The following ABLIM2 variants were observed in gnomAD, a reference collection of about 807,000 sequenced individuals.
ABLIM2 encodes the protein actin binding LIM protein family member 2.
In ABLIM2, 53 loss-of-function variants were observed where a neutral mutation model predicts 97.7. The observed-to-expected ratio is 0.54, with a 90% CI of 0.44 to 0.68. ABLIM2 has a LOEUF of 0.68. Among genes scored for constraint, ABLIM2 ranks in the 30% least tolerant of loss-of-function variants. The pLI is 0.00. For synonymous variants in ABLIM2, 361 were observed against 345.8 expected, an observed-to-expected ratio of 1.04 and a Z score of -0.49; for missense variants, 835 against 867.2, an observed-to-expected ratio of 0.96 and a Z score of 0.47.
In ABLIM2 at chr4:7,993,012, G is replaced by A. The variant is rs548037920; in HGVS notation, c.1619-85C>T. The A allele has an allele frequency of 3.8e-5, 56 of 1,460,776 alleles. No homozygotes were observed. In the South Asian group the frequency reaches 6.1e-4, roughly 16 times the overall value. The allele number at this position is 1,460,776 out of a possible 1,614,324, so 90.5% of individuals were successfully genotyped here. A position where few individuals can be genotyped will look rare whatever the true frequency, so the allele number is the denominator to read the frequency against. ...CAGCCCTGGGGGGGCTTCCCACCGG[G>A]GTGGGCAAGGCTGGGCAAGCAACAC... On this transcript the variant is annotated intron_variant, in intron 16 of 20. Transcript: ENST00000447017.
rs533491193 is a variant in ABLIM2 at position 8,021,359 on chromosome 4, C to T, written c.1268-1056G>A. Among the ~76,000 whole-genome samples the T allele has an allele frequency of 1.3e-5, 2 of 152,254 alleles. No homozygotes were observed. Among genetic ancestry groups the T allele is most frequent in the Admixed American group, 6.5e-5 (1 of 15,296 alleles). ...TGGGGAATGAGGTGACAGACAGATG[C>T]AGGGTATTGAATGCTTGTGATGAGA... On this transcript the variant is annotated intron_variant, in intron 12 of 20. Coordinates refer to ENST00000447017, the MANE Select transcript of ABLIM2 (RefSeq NM_001130083.2). The surrounding 1 kb of genome is among the most constrained non-coding windows in gnomAD (Gnocchi z 5.5).
chr4:8,099,997 C>G (rs1833694751), intron 2 of ABLIM2, among the ~76,000 whole-genome samples: 1 of 152,202 alleles, frequency 6.6e-6, no homozygotes, highest in African/African-American at 2.4e-5. Flanking sequence ...AGCACAGACA[C>G]TGGCAGGAGG....
At position 8,002,202 on chromosome 4, in the gene ABLIM2, C is replaced by T. The variant is rs886294055; in HGVS notation, c.1618+5857G>A. ...CCTGGACCTCTCCTCTGAGCTCCGT[C>T]TGCCCCCTGGCAACCCCCCGGACGT... On this transcript the variant is annotated intron_variant, in intron 16 of 20. Transcript: ENST00000447017. The surrounding 1 kb of genome is among the most constrained non-coding windows in gnomAD (Gnocchi z 6.1). Among the ~76,000 whole-genome samples, 2 of 152,202 alleles carry T rather than the reference C, an allele frequency of 1.3e-5. No individual in the cohort carries two copies. The highest frequency in any genetic ancestry group is 6.5e-5 in the Admixed American group (1 of 15,284).
chr4:7,990,827 C>T (rs1215592379), intron 17 of ABLIM2, among the ~76,000 whole-genome samples: 1 of 152,046 alleles, frequency 6.6e-6, no homozygotes, highest in African/African-American at 2.4e-5. Context: ...AAAGGCATAA[C>T]AGTACATAAA....
rs181089248 is a variant in ABLIM2 at position 8,046,545 on chromosome 4, C to A, written c.823-1304G>T. On this transcript the variant is annotated intron_variant, in intron 8 of 20. Coordinates refer to ENST00000447017, the MANE Select transcript of ABLIM2 (RefSeq NM_001130083.2). The surrounding 1 kb of genome is among the most constrained non-coding windows in gnomAD (Gnocchi z 4.4). ...TCTGCTGCTTCGATGGTTTCCCACC[C>A]CGACCACAGCCCCCACTGCAGCTCC... is the stretch of plus-strand genomic sequence containing the variant. Among the ~76,000 whole-genome samples, 26 of 152,262 alleles carry A rather than the reference C, an allele frequency of 1.7e-4. No individual in the cohort carries two copies. The highest frequency in any genetic ancestry group is 6.0e-4 in the African/African-American group (25 of 41,542).
At chr4:8,050,502 C>A (rs376876110) in intron 8 of ABLIM2, among the ~76,000 whole-genome samples, 45 of 152,290 alleles carry the variant, frequency 3.0e-4, no homozygotes, top group African/African-American at 9.6e-4. Context: ...CCCCCAGGAG[C>A]TGGCACAGAG....
At chr4:8,020,058 T>C (rs895610382) in intron 13 of ABLIM2, 144 bp downstream of exon 13, 1 of 708,450 alleles carries the variant, frequency 1.4e-6, no homozygotes, top group African/African-American at 1.8e-5. Context: ...TTTAAAGAAA[T>C]CTCAGTGCCT....
chr4:8,041,977 C>A (rs1788957688), intron 9 of ABLIM2, among the ~76,000 whole-genome samples: 1 of 151,850 alleles, frequency 6.6e-6, no homozygotes. Context: ...ACAACAACAG[C>A]AGCAACAACA....
intron 14 of ABLIM2, among the ~76,000 whole-genome samples, chr4:8,017,445 C>T (rs1770231516): frequency 6.6e-6 from 1 of 151,980 alleles, no homozygotes; most frequent in Non-Finnish European, 1.5e-5. Context: ...CATTGCCACA[C>T]CTGGCTATTT....
rs1353081416 is a variant in ABLIM2 at position 8,033,873 on chromosome 4, G to T, written c.1047+2276C>A. Among the ~76,000 whole-genome samples the T allele has an allele frequency of 6.6e-6, 1 of 152,188 alleles. No homozygotes were observed. The highest frequency in any genetic ancestry group is 1.5e-5 in the Non-Finnish European group (1 of 68,032). ...CCATGAGACCCTGGAGCAGGACAGG[G>T]AGAGATACCAGCCCACCCCAACACA... is the stretch of plus-strand genomic sequence containing the variant. On this transcript the variant is annotated intron_variant, in intron 10 of 20. Transcript: ENST00000447017. This position sits in a 1 kb window ranked among gnomAD's most constrained non-coding sequence, Gnocchi z 4.5.
At chr4:8,014,983 C>T (rs1239543587) in intron 14 of ABLIM2, among the ~76,000 whole-genome samples, 1 of 150,840 alleles carries the variant, frequency 6.6e-6, no homozygotes, top group Non-Finnish European at 1.5e-5. Flanking sequence ...TGCAATGGCA[C>T]TAACTCGGCT....
intron 7 of ABLIM2, among the ~76,000 whole-genome samples, chr4:8,057,909 G>A (rs965000631): frequency 3.9e-5 from 6 of 152,190 alleles, no homozygotes; most frequent in Non-Finnish European, 7.4e-5. Flanking sequence ...GGCAGGGTGG[G>A]TGCCCCAAGG....
chr4:8,158,527 C>A (rs578218948), intron 1 of ABLIM2, among the ~76,000 whole-genome samples, 153 bp downstream of exon 1: 1 of 152,290 alleles, frequency 6.6e-6, no homozygotes, highest in Non-Finnish European at 1.5e-5. Flanking sequence ...CGCTCTGGCC[C>A]CTCGGGGCTG....
intron 9 of ABLIM2, 72 bp from the exon 10 acceptor site, chr4:8,036,367 G>T (rs746803086): frequency 1.3e-6 from 2 of 1,547,158 alleles, no homozygotes; most frequent in African/African-American, 1.4e-5. Flanking sequence ...CCCCAAAGCC[G>T]GATGCATCCC....
At chr4:8,037,844 T>C (rs1429155452) in intron 9 of ABLIM2, among the ~76,000 whole-genome samples, 1 of 152,228 alleles carries the variant, frequency 6.6e-6, no homozygotes, top group Non-Finnish European at 1.5e-5. Context: ...CCTTGCTGAA[T>C]GAATGCGGGA....
At chr4:8,026,973 TCTGAGTGTGTGTCTGCAGTGGCCTTTTAC>T in intron 12 of ABLIM2, among the ~76,000 whole-genome samples, 1 of 150,514 alleles carries the variant, frequency 6.6e-6, no homozygotes, top group African/African-American at 2.5e-5. Context: ...TGGCCTTTTA[TCTGAGTGTGTGTCTGCAGTGGCCTTTTAC>T]CTGAGTGTGT....
chr4:7,977,790 C>CAATAAATAAATAAATGAATAAATA (rs1553886717), intron 20 of ABLIM2, among the ~76,000 whole-genome samples: 2,758 of 142,276 alleles, frequency 0.019, 67 homozygotes, highest in African/African-American at 0.058. Context: ...GACTCTGTCT[C>CAATAAATAAATAAATGAATAAATA]AATAAATAAA....
In ABLIM2 at chr4:7,966,876, C is replaced by T; in HGVS notation, c.*114G>A. ...CTGCTGGGGGACCCCCTCCCGCCCA[C>T]CCCATGGACACAGAGAAGCCAGAGC... On this transcript the variant is annotated 3_prime_UTR_variant, in exon 21 of 21. Coordinates refer to ENST00000447017, the MANE Select transcript of ABLIM2 (RefSeq NM_001130083.2). 1 of 328,560 alleles carries T rather than the reference C, an allele frequency of 3.0e-6. No individual in the cohort carries two copies. Among genetic ancestry groups the T allele is most frequent in the Non-Finnish European group, 5.9e-6 (1 of 168,156 alleles). The allele number at this position is 328,560 out of a possible 1,614,324, so 20.4% of individuals were successfully genotyped here. A position where few individuals can be genotyped will look rare whatever the true frequency, so the allele number is the denominator to read the frequency against.
Position 8,158,700 on chromosome 4 carries a change from G to GCT in ABLIM2, c.-13_-12dup. ...CCCACCTGCACTCATCTCAGCAGCCGCTCGGAGTCGGGGCGGCCCGGCGCT... is the reference window on the plus strand; with the variant it reads ...CCCACCTGCACTCATCTCAGCAGCCGCTCTCGGAGTCGGGGCGGCCCGGCGCT... On this transcript the variant is annotated 5_prime_UTR_variant, in exon 1 of 21. Transcript: ENST00000447017. 1.4e-6 allele frequency: 2 copies of GCT among 1,458,672 alleles called. No individual in the cohort carries two copies. The highest frequency in any genetic ancestry group is 1.8e-6 in the Non-Finnish European group (2 of 1,107,034). 90.4% of individuals were successfully genotyped at this position (1,458,672 alleles called of 1,614,324 possible).
Sources: gnomAD v4.1 joint callset for allele counts (sites outside exome capture counted in the v4.1 genomes callset) on GRCh38, gnomAD v4.1.1 for gene constraint, Gnocchi (gnomAD v3.1) non-coding constraint, MANE v1.5 for transcripts, NCBI Gene and HGNC (gene_info 2026-07-23, HGNC 2026-07-21) for gene names.